CCDC80: variants seen among roughly 807,000 people sequenced by gnomAD.
CCDC80 encodes the protein coiled-coil domain-containing protein 80.
A neutral mutation model predicts 78.7 loss-of-function variants in CCDC80; 49 were observed. The ratio of observed to expected loss-of-function variants is 0.62; its 90% CI spans 0.50 to 0.79. The LOEUF is 0.79. Ranked by LOEUF, CCDC80 falls within the 30% of genes least tolerant of loss-of-function variation. CCDC80 has a pLI of 0.00. For missense variants in CCDC80, 1,205 were observed against 1,198.6 expected (o/e 1.01, Z -0.08); for synonymous variants, 488 against 447.0 (o/e 1.09, Z -1.16).
intron 5 of CCDC80, among the ~76,000 whole-genome samples, chr3:112,614,822 C>T (rs763077234): frequency 6.6e-6 from 1 of 152,148 alleles, no homozygotes; most frequent in Non-Finnish European, 1.5e-5. Flanking sequence ...GTCAGATTGT[C>T]CCAGGGTACT....
Position 112,639,051 on chromosome 3 carries a change from A to G in CCDC80, c.855T>C (p.Gly285=), listed in dbSNP as rs774287035. ...CCTCCGCCACCACCTGGCCCTCTAC[A>G]CCAGAGGCCTTACATTTCTGGACAA... The part of the protein sequence containing the change: ...KGFVQKCKAS[G]VEGQVVAEGN... The change falls in exon 2 of 8, where the codon GGT becomes GGC. Residue 285 remains glycine (G), a synonymous_variant. Transcript: ENST00000206423. 2 of 1,612,078 alleles carry G rather than the reference A, an allele frequency of 1.2e-6. No individual in the cohort carries two copies. The highest frequency in any genetic ancestry group is 1.7e-6 in the Non-Finnish European group (2 of 1,179,950).
rs1935342278 is a variant in CCDC80 at position 112,599,716 on chromosome 3, GTTAA to G, written c.*5697_*5700del. 6.6e-6 allele frequency: 1 copy of G among 152,202 alleles called. No homozygotes were observed. Among genetic ancestry groups the G allele is most frequent in the Non-Finnish European group, 1.5e-5 (1 of 68,062 alleles). The allele number at this position is 152,202 out of a possible 1,614,324, so 9.4% of individuals were successfully genotyped here. A position where few individuals can be genotyped will look rare whatever the true frequency, so the allele number is the denominator to read the frequency against. On this transcript the variant is annotated 3_prime_UTR_variant, in exon 8 of 8. Coordinates refer to ENST00000206423, the MANE Select transcript of CCDC80 (RefSeq NM_199511.3). ...AAGTTGAGAAAGTATGAGCTTCATT[GTTAA>G]TTATATTACAGAAAATGGGACCAGC...
At position 112,630,237 on chromosome 3, in the gene CCDC80, C is replaced by T. The variant is rs544305331; in HGVS notation, c.1911G>A (p.Met637Ile). Residue 637 changes from methionine (M) to isoleucine (I), a missense_variant, in exon 3 of 8, where the codon ATG (methionine) becomes ATA (isoleucine). By Grantham distance (10) the Met-to-Ile change is conservative. Coordinates refer to ENST00000206423, the MANE Select transcript of CCDC80 (RefSeq NM_199511.3). The stretch of plus-strand genomic sequence containing the variant: ...GATATTCATCACGTTGTTGCACATA[C>T]ATATTGTTCTCAGCCTTGGGAGCAG... ...LITAPKAENN[M>I]YVQQRDEYLE... 2 of 1,613,878 alleles carry T rather than the reference C, an allele frequency of 1.2e-6. No individual in the cohort carries two copies. The highest frequency in any genetic ancestry group is 1.3e-5 in the African/African-American group (1 of 75,026).
chr3:112,638,474 G>T lies in CCDC80; in HGVS notation c.1432C>A (p.Pro478Thr). The change falls in exon 2 of 8, where the codon CCA becomes ACA. Residue 478 changes from proline (P) to threonine (T), a missense_variant. Physicochemically the swap from Pro to Thr is conservative, Grantham distance 38. Coordinates refer to ENST00000206423, the MANE Select transcript of CCDC80 (RefSeq NM_199511.3). ...TTGGGAGGACCTGGCACCACATTTG[G>T]GTCTCGGTGGCCATGTTCCCGCCTG... ...MDRREHGHRD[P>T]NVVPGPPKPA... The T allele has an allele frequency of 6.2e-7, 1 of 1,613,694 alleles. No individual in the cohort carries two copies.
At chr3:112,631,913 T>C (rs1936107329) in intron 2 of CCDC80, among the ~76,000 whole-genome samples, 2 of 152,206 alleles carry the variant, frequency 1.3e-5, no homozygotes, top group Non-Finnish European at 2.9e-5. Context: ...CAGATCATAA[T>C]TAATTTTAAA....
At position 112,603,948 on chromosome 3, in the gene CCDC80, T is replaced by A. The variant is rs572978749; in HGVS notation, c.*1469A>T. ...TGATTTTAAGAGGCCCAAGACTTCA[T>A]TGGAGGAAGCTCTGCTATAGACATA... On this transcript the variant is annotated 3_prime_UTR_variant, in exon 8 of 8. Coordinates refer to ENST00000206423, the MANE Select transcript of CCDC80 (RefSeq NM_199511.3). The A allele has an allele frequency of 6.6e-6, 1 of 152,248 alleles. No homozygotes were observed. Among genetic ancestry groups the A allele is most frequent in the South Asian group, 2.1e-4 (1 of 4,822 alleles). The allele number at this position is 152,248 out of a possible 1,614,324, so 9.4% of individuals were successfully genotyped here. A position where few individuals can be genotyped will look rare whatever the true frequency, so the allele number is the denominator to read the frequency against.
At chr3:112,618,420 G>T (rs558975179) in intron 4 of CCDC80, among the ~76,000 whole-genome samples, 6 of 152,180 alleles carry the variant, frequency 3.9e-5, no homozygotes, top group Admixed American at 1.3e-4. Context: ...CCAGCTACTC[G>T]GGAGGATGAG....
At chr3:112,613,988 T>C (rs1046619200) in intron 5 of CCDC80, among the ~76,000 whole-genome samples, 11 of 152,074 alleles carry the variant, frequency 7.2e-5, no homozygotes, top group Admixed American at 2.0e-4. Context: ...AATTAAGTAA[T>C]TGGTTTAGGC....
Position 112,640,934 on chromosome 3 carries a change from C to CTCTTTTTCTTCT in CCDC80, c.-631_-620dup, listed in dbSNP as rs546650862. On this transcript the variant is annotated 5_prime_UTR_variant, in exon 1 of 8. Coordinates refer to ENST00000206423, the MANE Select transcript of CCDC80 (RefSeq NM_199511.3). Reference sequence around the variant, plus strand: ...TTTATTTCTCCCTACCTTTTTCCTCCTCTTTTTCTTCTTCTTTTTCTTCTT... The same window carrying CTCTTTTTCTTCT: ...TTTATTTCTCCCTACCTTTTTCCTCCTCTTTTTCTTCTTCTTTTTCTTCTTCTTTTTCTTCTT... 6.6e-6 allele frequency: 1 copy of CTCTTTTTCTTCT among 152,086 alleles called. No individual in the cohort carries two copies. 9.4% of individuals were successfully genotyped at this position (152,086 alleles called of 1,614,324 possible).
In CCDC80 at chr3:112,638,378, A is replaced by G; in HGVS notation, c.1528T>C (p.Tyr510His). ...GAGGCAGTAGGCCGGCTGAGGTCATACTTCTCCTCATACTCATTACTAAGA... is the reference window on the plus strand; with the variant it reads ...GAGGCAGTAGGCCGGCTGAGGTCATGCTTCTCCTCATACTCATTACTAAGA... Reference protein sequence around the residue: ...KILSNEYEEKYDLSRPTASQL... With the variant: ...KILSNEYEEKHDLSRPTASQL... The change falls in exon 2 of 8, where the codon TAT (tyrosine) becomes CAT (histidine). Residue 510 changes from tyrosine (Y) to histidine (H), a missense_variant. By Grantham distance (83) the Tyr-to-His change is moderately conservative (BLOSUM62 2). Coordinates refer to ENST00000206423, the MANE Select transcript of CCDC80 (RefSeq NM_199511.3). 6.2e-7 allele frequency: 1 copy of G among 1,613,212 alleles called. No homozygotes were observed. The highest frequency in any genetic ancestry group is 8.5e-7 in the Non-Finnish European group (1 of 1,179,930).
At chr3:112,616,991 C>T in intron 4 of CCDC80, 133 bp from the exon 5 acceptor site, 1 of 857,080 alleles carries the variant, frequency 1.2e-6, no homozygotes, top group East Asian at 2.6e-5. Flanking sequence ...AGATTCATTG[C>T]TTCATAAATG....
At chr3:112,616,660 C>T (rs774587427) in intron 5 of CCDC80, 50 bp downstream of exon 5, 21 of 1,607,542 alleles carry the variant, frequency 1.3e-5, no homozygotes, top group African/African-American at 2.7e-5. Context: ...CATGAGCTCA[C>T]TCAGAACAAA....
intron 1 of CCDC80, 60 bp from the exon 2 acceptor site, chr3:112,639,976 TTA>T (rs1364723001): frequency 1.3e-6 from 2 of 1,525,056 alleles, no homozygotes; most frequent in African/African-American, 2.8e-5. Context: ...AGAAAATTAT[TTA>T]TCTGGAAACA....
In CCDC80 at chr3:112,599,841, A is replaced by T. The variant is rs528900627; in HGVS notation, c.*5576T>A. ...AATATTCACCTCAGAGCCCTGGGAG[A>T]TGTCTGATGAAAAGTAGTTTTTGAA... On this transcript the variant is annotated 3_prime_UTR_variant, in exon 8 of 8. Coordinates refer to ENST00000206423, the MANE Select transcript of CCDC80 (RefSeq NM_199511.3). 1.2e-4 allele frequency: 18 copies of T among 152,320 alleles called. No individual in the cohort carries two copies. Among genetic ancestry groups the T allele is most frequent in the African/African-American group, 4.3e-4 (18 of 41,554 alleles). 9.4% of individuals were successfully genotyped at this position (152,320 alleles called of 1,614,324 possible). A position where few individuals can be genotyped will look rare whatever the true frequency, so the allele number is the denominator to read the frequency against.
intron 5 of CCDC80, among the ~76,000 whole-genome samples, chr3:112,616,405 A>G (rs950139046): frequency 2.0e-5 from 3 of 148,724 alleles, no homozygotes; most frequent in African/African-American, 5.0e-5. Flanking sequence ...TTGGGAGGTC[A>G]GGATTCTATA....
chr3:112,633,592 A>G (rs1559881228), intron 2 of CCDC80, among the ~76,000 whole-genome samples: 1 of 152,188 alleles, frequency 6.6e-6, no homozygotes, highest in Non-Finnish European at 1.5e-5. Context: ...AGAGGAGAGG[A>G]GAGGGACTCA....
At chr3:112,629,214 A>G (rs1329083728) in intron 3 of CCDC80, among the ~76,000 whole-genome samples, 3 of 152,016 alleles carry the variant, frequency 2.0e-5, no homozygotes, top group Non-Finnish European at 4.4e-5. Context: ...GTGCTTTTAG[A>G]TGAAATATAT....
At position 112,638,693 on chromosome 3, in the gene CCDC80, C is replaced by T; in HGVS notation, c.1213G>A (p.Ala405Thr). The T allele has an allele frequency of 6.8e-6, 11 of 1,613,892 alleles. No homozygotes were observed. The highest frequency in any genetic ancestry group is 9.3e-6 in the Non-Finnish European group (11 of 1,179,964). Residue 405 changes from alanine (A) to threonine (T), a missense_variant, in exon 2 of 8, where the codon GCC becomes ACC. Physicochemically the swap from Ala to Thr is moderately conservative, Grantham distance 58. Transcript: ENST00000206423. ...RPPTTTEVIT[A>T]RRPSVSENLY... ...TTCTCTGAAACTGAGGGTCTCCTGG[C>T]AGTGATCACCTCAGTGGTTGTAGGG...
In CCDC80 at chr3:112,605,713, T is replaced by A. The variant is rs773727906; in HGVS notation, c.2557A>T (p.Ile853Phe). 1.2e-6 allele frequency: 2 copies of A among 1,614,218 alleles called. No homozygotes were observed. Among genetic ancestry groups the A allele is most frequent in the Non-Finnish European group, 1.7e-6 (2 of 1,180,028 alleles). Residue 853 changes from isoleucine (I) to phenylalanine (F), a missense_variant, in exon 8 of 8, where the codon ATT (isoleucine) becomes TTT (phenylalanine). By Grantham distance (21) the Ile-to-Phe change is conservative. Coordinates refer to ENST00000206423, the MANE Select transcript of CCDC80 (RefSeq NM_199511.3). The stretch of plus-strand genomic sequence containing the variant: ...GGGCTCACTTGAAAATAGTTACGAA[T>A]GTCTTTCACCAAATGGGCTGGTACG... ...EDVPAHLVKD[I>F]RNYFQVSPEY...
Sources: allele counts gnomAD v4.1 joint callset (sites outside exome capture counted in the v4.1 genomes callset), GRCh38; gene constraint gnomAD v4.1.1; transcripts MANE v1.5; gene names NCBI Gene and HGNC (gene_info 2026-07-23, HGNC 2026-07-21).